Variants in CXCL13 observed in about 807,000 individuals in gnomAD.
CXCL13 encodes the protein C-X-C motif chemokine 13.
A neutral mutation model predicts 12.2 loss-of-function variants in CXCL13; 7 were observed. The observed-to-expected ratio is 0.57, with a 90% CI of 0.33 to 1.07. The LOEUF is 1.07. Ranked by LOEUF, CXCL13 falls within the 50% of genes least tolerant of loss-of-function variation. CXCL13 has a pLI of 0.04. For missense variants in CXCL13, 113 were observed against 127.4 expected (o/e 0.89, Z 0.55); for synonymous variants, 47 against 42.4 (o/e 1.11, Z -0.42).
At chr4:77,568,632 G>T (rs1338964770) in intron 1 of CXCL13, among the ~76,000 whole-genome samples, 3 of 152,106 alleles carry the variant, frequency 2.0e-5, no homozygotes, top group Non-Finnish European at 4.4e-5. Context: ...TCGTGCCTCT[G>T]GTGTTTGCTG....
Position 77,526,026 on chromosome 4 carries a change from T to TA in CXCL13, c.-43+14245dup, listed in dbSNP as rs543579411. Among the ~76,000 whole-genome samples the TA allele has an allele frequency of 1.8e-3, 279 of 152,028 alleles. 2 individuals are homozygous for TA. Among genetic ancestry groups the TA allele is most frequent in the African/African-American group, 6.2e-3 (258 of 41,506 alleles). ...GCTAAAGAAACAATGAAAAAGCATT[T>TA]AAAAAAACTCCTGTGTTAGCTAACA... On this transcript the variant is annotated intron_variant, in intron 1 of 4. Transcript: ENST00000286758.
At chr4:77,579,766 G>A (rs1424219492) in intron 1 of CXCL13, among the ~76,000 whole-genome samples, 9 of 152,120 alleles carry the variant, frequency 5.9e-5, no homozygotes, top group Non-Finnish European at 1.3e-4. Context: ...TGCAGAGAAG[G>A]TTTTAGATCA....
At chr4:77,545,954 C>T (rs749932202) in intron 1 of CXCL13, among the ~76,000 whole-genome samples, 92 of 151,996 alleles carry the variant, frequency 6.1e-4, no homozygotes, top group Middle Eastern at 6.8e-3. Context: ...GTTTTTAGAG[C>T]GAAGGGCTGT....
At chr4:77,589,977 G>T (rs2866440) in intron 1 of CXCL13, among the ~76,000 whole-genome samples, 46,007 of 151,612 alleles carry the variant, frequency 0.3, 7,696 homozygotes, top group Middle Eastern at 0.47. Flanking sequence ...CCCCATATTC[G>T]CATCTCCCAT....
intron 1 of CXCL13, among the ~76,000 whole-genome samples, chr4:77,595,120 A>C (rs1726717921): frequency 6.9e-6 from 1 of 145,694 alleles, no homozygotes; most frequent in African/African-American, 2.6e-5. Flanking sequence ...TTTTTTTACC[A>C]GTGACACAAA....
intron 1 of CXCL13, among the ~76,000 whole-genome samples, chr4:77,532,551 T>C (rs1233183023): frequency 1.3e-5 from 2 of 152,202 alleles, no homozygotes; most frequent in Non-Finnish European, 2.9e-5. Context: ...GAGGAGTATC[T>C]TTGTGGCGTT....
At position 77,610,852 on chromosome 4, in the gene CXCL13, G is replaced by A. The variant is rs946209648; in HGVS notation, c.279-136G>A. ...TTGCTTATCAGATGGAGTAGGGGTA[G>A]CTCATTCCAGCAGCTCAGTAAACCA... On this transcript the variant is annotated intron_variant, in intron 3 of 3. Coordinates refer to ENST00000682537, the MANE Select transcript of CXCL13 (RefSeq NM_001371558.1). The A allele has an allele frequency of 6.3e-5, 56 of 888,422 alleles. No homozygotes were observed. The Middle Eastern group carries it at 1.1e-3, about 17-fold the overall frequency. The allele number at this position is 888,422 out of a possible 1,614,324, so 55.0% of individuals were successfully genotyped here.
intron 1 of CXCL13, among the ~76,000 whole-genome samples, chr4:77,575,764 AG>A (rs1300463714): frequency 1.2e-4 from 18 of 151,866 alleles, no homozygotes; most frequent in Non-Finnish European, 2.5e-4. Flanking sequence ...TAGAGCATTC[AG>A]AAGAGAGGTA....
At chr4:77,523,889 GT>G (rs1724688376) in intron 1 of CXCL13, among the ~76,000 whole-genome samples, 1 of 152,174 alleles carries the variant, frequency 6.6e-6, no homozygotes, top group Non-Finnish European at 1.5e-5. Context: ...TACAGATGGG[GT>G]TTTGGTGTAG....
chr4:77,571,055 G>A (rs1363308076), intron 1 of CXCL13, among the ~76,000 whole-genome samples: 1 of 152,022 alleles, frequency 6.6e-6, no homozygotes, highest in Non-Finnish European at 1.5e-5. Flanking sequence ...GTGAGCGCAT[G>A]GCGCGGGACT....
intron 1 of CXCL13, among the ~76,000 whole-genome samples, chr4:77,591,854 C>G (rs1726620995): frequency 6.6e-6 from 1 of 152,236 alleles, no homozygotes; most frequent in African/African-American, 2.4e-5. Context: ...GAATGACAGA[C>G]TTTGGCATCA....
At chr4:77,559,875 T>C (rs1725763323) in intron 1 of CXCL13, among the ~76,000 whole-genome samples, 1 of 138,528 alleles carries the variant, frequency 7.2e-6, no homozygotes, top group African/African-American at 2.8e-5. Flanking sequence ...TGAGCAGAGA[T>C]GGCACCAATG....
Sources: gnomAD v4.1 joint callset for allele counts (sites outside exome capture counted in the v4.1 genomes callset) on GRCh38, gnomAD v4.1.1 for gene constraint, MANE v1.5 for transcripts, NCBI Gene and HGNC (gene_info 2026-07-23, HGNC 2026-07-21) for gene names.